KPNA7: variants seen among roughly 807,000 people sequenced by gnomAD.
KPNA7 encodes karyopherin subunit alpha 7.
Under a neutral mutation model 53.7 loss-of-function variants are expected in KPNA7, and 54 were observed. The observed-to-expected ratio is 1.01, with a 90% CI of 0.81 to 1.26. The LOEUF (loss-of-function observed/expected upper bound fraction) is 1.26, where lower values mean the gene tolerates loss of function less well. KPNA7 is among the 50% of genes most tolerant of loss of function. KPNA7 has a pLI of 0.00. For synonymous variants in KPNA7, 276 were observed against 259.3 expected (o/e 1.06, Z -0.62); for missense variants, 640 against 644.5 (o/e 0.99, Z 0.07).
At chr7:99,209,696 A>G (rs940095381), upstream of KPNA7, among the ~76,000 whole-genome samples, 14 of 129,866 alleles carry the variant, frequency 1.1e-4, 1 homozygote, top group Admixed American at 3.0e-4. Context: ...AAAAAAAAAA[A>G]AAAAAAAAAA....
chr7:99,212,765 G>C (rs73157575), upstream of KPNA7, among the ~76,000 whole-genome samples: 1 of 151,858 alleles, frequency 6.6e-6, no homozygotes, highest in Non-Finnish European at 1.5e-5. Context: ...ATCCGGCATC[G>C]TGATGGGCAC....
Position 99,188,579 on chromosome 7 carries a change from T to C in KPNA7, c.637-16A>G, listed in dbSNP as rs372534064. 235 of 1,547,682 alleles carry C rather than the reference T, an allele frequency of 1.5e-4. No homozygotes were observed. Among genetic ancestry groups the C allele is most frequent in the Non-Finnish European group, 1.9e-4 (222 of 1,143,600 alleles). ...GAAATGTGATCTGTAACAAGGAGAC[T>C]GCCTCCAGCATTGGGTGCAAAGGAG... is the stretch of plus-strand genomic sequence containing the variant. On this transcript the variant is annotated splice_polypyrimidine_tract_variant and intron_variant, in intron 6 of 10. Transcript: ENST00000327442.
At chr7:99,173,367 A>G, downstream of KPNA7, among the ~76,000 whole-genome samples, 1 of 151,874 alleles carries the variant, frequency 6.6e-6, no homozygotes, top group Non-Finnish European at 1.5e-5. Context: ...AATTTTTTGT[A>G]TTTTTAATAG....
At chr7:99,204,388 TCTCA>T (rs1375965368) in intron 2 of KPNA7, among the ~76,000 whole-genome samples, 1 of 151,314 alleles carries the variant, frequency 6.6e-6, no homozygotes, top group Non-Finnish European at 1.5e-5. Flanking sequence ...TCTCTCTCTC[TCTCA>T]ATCTCTCTCT....
intron 3 of KPNA7, among the ~76,000 whole-genome samples, chr7:99,199,399 A>G (rs1563084170): frequency 6.6e-6 from 1 of 152,230 alleles, no homozygotes; most frequent in Non-Finnish European, 1.5e-5. Context: ...AGATAAACGT[A>G]TAGATCAATG....
At chr7:99,147,764 C>G in the KPNA7 span, among the ~76,000 whole-genome samples, 3 of 151,708 alleles carry the variant, frequency 2.0e-5, no homozygotes, top group African/African-American at 7.3e-5. Flanking sequence ...GCCCTCCAGC[C>G]TGGGCGATAA....
intron 9 of KPNA7, among the ~76,000 whole-genome samples, chr7:99,178,876 A>T (rs565866366): frequency 6.8e-6 from 1 of 147,920 alleles, no homozygotes; most frequent in Non-Finnish European, 1.5e-5. Context: ...CCCACCTCCC[A>T]GGTTCAAGAG....
chr7:99,169,090 C>A (rs888954322), downstream of KPNA7, among the ~76,000 whole-genome samples: 1 of 151,990 alleles, frequency 6.6e-6, no homozygotes. Flanking sequence ...CGGGAGGCGG[C>A]GGTTGCAGTG....
upstream of KPNA7, among the ~76,000 whole-genome samples, chr7:99,210,594 G>A (rs1049295864): frequency 4.6e-5 from 7 of 151,968 alleles, no homozygotes; most frequent in African/African-American, 1.7e-4. Flanking sequence ...TTGTGTTTTT[G>A]TTTTGCTTTT....
intron 10 of KPNA7, among the ~76,000 whole-genome samples, chr7:99,176,293 G>C (rs533129492): frequency 6.1e-5 from 4 of 65,922 alleles, no homozygotes; most frequent in Admixed American, 2.0e-4. Context: ...GCGAGACTAC[G>C]TCTCAAAAAA....
the KPNA7 span, among the ~76,000 whole-genome samples, chr7:99,149,429 T>C: frequency 6.6e-6 from 1 of 152,226 alleles, no homozygotes; most frequent in Non-Finnish European, 1.5e-5. Context: ...TTTGCTTATC[T>C]GTAAAATGGA....
At chr7:99,197,703 G>A (rs1026870133) in intron 3 of KPNA7, among the ~76,000 whole-genome samples, 2 of 152,086 alleles carry the variant, frequency 1.3e-5, no homozygotes, top group African/African-American at 4.8e-5. Context: ...TCACTAAAGG[G>A]GCTTAACAGC....
At chr7:99,181,296 C>A (rs1471552383) in intron 9 of KPNA7, among the ~76,000 whole-genome samples, 1 of 152,034 alleles carries the variant, frequency 6.6e-6, no homozygotes, top group Non-Finnish European at 1.5e-5. Context: ...TAGTGACTGC[C>A]CCTTTATCCG....
chr7:99,186,744 A>C (rs1042976742), intron 7 of KPNA7, among the ~76,000 whole-genome samples: 4 of 151,972 alleles, frequency 2.6e-5, no homozygotes, highest in South Asian at 2.1e-4. Context: ...CTTTGTCAAA[A>C]AACAACAACA....
At chr7:99,210,051 C>T (rs1299550470), upstream of KPNA7, among the ~76,000 whole-genome samples, 2 of 151,450 alleles carry the variant, frequency 1.3e-5, no homozygotes, top group African/African-American at 2.4e-5. Flanking sequence ...AGAATCTGAT[C>T]TAACTCTCCT....
At chr7:99,202,960 TA>T in intron 3 of KPNA7, 145 bp downstream of exon 3, 1 of 930,722 alleles carries the variant, frequency 1.1e-6, no homozygotes, top group Non-Finnish European at 1.6e-6. Flanking sequence ...AAAGGCAGTT[TA>T]GCTCAAACCA....
intron 7 of KPNA7, among the ~76,000 whole-genome samples, chr7:99,187,780 C>T (rs992015835): frequency 9.3e-5 from 12 of 129,374 alleles, no homozygotes; most frequent in South Asian, 2.5e-4. Flanking sequence ...TGTGAGCCAC[C>T]GTGCCCGGCC....
At chr7:99,174,812 TATTA>T (rs1189487934) in intron 10 of KPNA7, among the ~76,000 whole-genome samples, 5 of 143,944 alleles carry the variant, frequency 3.5e-5, no homozygotes, top group Admixed American at 2.7e-4. Context: ...GTCTCTTATT[TATTA>T]TTTTTTTTTT....
chr7:99,200,122 T>G (rs1032776022), intron 3 of KPNA7, among the ~76,000 whole-genome samples: 15 of 152,220 alleles, frequency 9.9e-5, no homozygotes, highest in African/African-American at 3.6e-4. Context: ...AGGATGGTCT[T>G]GAACTCCTGA....
Sources: allele counts gnomAD v4.1 joint callset (sites outside exome capture counted in the v4.1 genomes callset), GRCh38; gene constraint gnomAD v4.1.1; transcripts MANE v1.5; gene names NCBI Gene and HGNC (gene_info 2026-07-23, HGNC 2026-07-21).